The following RSRP1 variants were observed in gnomAD, a reference collection of about 807,000 sequenced individuals.
RSRP1 encodes arginine/serine-rich protein 1.
RSRP1 carries 37 observed loss-of-function variants against 33.0 expected under a neutral mutation model. The ratio of observed to expected loss-of-function variants is 1.12; its 90% CI spans 0.86 to 1.48. The LOEUF (loss-of-function observed/expected upper bound fraction) is 1.48. RSRP1 is among the 40% of genes most tolerant of loss of function. The pLI is 0.00. For missense variants in RSRP1, 402 were observed against 385.3 expected (o/e 1.04, Z -0.36); for synonymous variants, 167 against 158.7 (o/e 1.05, Z -0.40).
At chr1:25,244,507 CAG>C in intron 3 of RSRP1, 1 of 1,289,164 alleles carries the variant, frequency 7.8e-7, no homozygotes, top group Non-Finnish European at 1.0e-6. Flanking sequence ...TTCTATAAGA[CAG>C]AAATAGAGCA....
intron 1 of RSRP1, among the ~76,000 whole-genome samples, chr1:25,318,560 C>T (rs550970131): frequency 7.6e-6 from 1 of 131,404 alleles, no homozygotes; most frequent in South Asian, 2.4e-4. Context: ...TGCCCTCCAG[C>T]CTAGGTGACA....
At chr1:25,289,708 C>T (rs1642327290) in intron 1 of RSRP1, among the ~76,000 whole-genome samples, 1 of 126,754 alleles carries the variant, frequency 7.9e-6, no homozygotes, top group Admixed American at 7.7e-5. Flanking sequence ...GAAGTCCTCC[C>T]TGATAAGTCC....
intron 1 of RSRP1, among the ~76,000 whole-genome samples, chr1:25,307,410 T>C (rs1263292061): frequency 7.6e-6 from 1 of 132,130 alleles, no homozygotes; most frequent in Non-Finnish European, 1.8e-5. Context: ...ACATGGCTTA[T>C]ATAAAATGAA....
At chr1:25,283,233 G>T (rs113500149) in intron 1 of RSRP1, among the ~76,000 whole-genome samples, 2,375 of 131,596 alleles carry the variant, frequency 0.018, 602 homozygotes, top group Non-Finnish European at 0.028. Context: ...TTATCTAGGT[G>T]TAAATCTTGG....
At chr1:25,312,708 C>T (rs917763824) in intron 1 of RSRP1, among the ~76,000 whole-genome samples, 1 of 125,564 alleles carries the variant, frequency 8.0e-6, no homozygotes, top group African/African-American at 2.7e-5. Flanking sequence ...TATGGTCGTG[C>T]CACTGCATTC....
In RSRP1 at chr1:25,303,171, T is replaced by C; in HGVS notation, c.-67+34807A>G. ...ATCATGTCCACTGATGAAGGACACG[T>C]AGCCCCAACACAGGGGAGAAGTGGT... On this transcript the variant is annotated intron_variant, in intron 1 of 1. Coordinates refer to the RSRP1 transcript ENST00000561867. 2.2e-6 allele frequency: 2 copies of C among 893,694 alleles called. 1 individual carries two copies. The highest frequency in any genetic ancestry group is 3.5e-6 in the Non-Finnish European group (2 of 564,142). 55.4% of individuals were successfully genotyped at this position (893,694 alleles called of 1,614,324 possible). A position where few individuals can be genotyped will look rare whatever the true frequency, so the allele number is the denominator to read the frequency against.
At chr1:25,337,165 G>C (rs1287734620) in intron 1 of RSRP1, 1 of 151,770 alleles carries the variant, frequency 6.6e-6, no homozygotes, top group Non-Finnish European at 1.5e-5. Context: ...CTGTGTGATC[G>C]CATGTGCCCT....
upstream of RSRP1, chr1:25,338,177 C>T (rs979047466): frequency 1.3e-5 from 2 of 152,182 alleles, no homozygotes; most frequent in Non-Finnish European, 2.9e-5. Context: ...AACTAGCACT[C>T]CCGACGTCCA....
At chr1:25,310,205 A>G (rs868283802) in intron 1 of RSRP1, among the ~76,000 whole-genome samples, 9 of 132,952 alleles carry the variant, frequency 6.8e-5, no homozygotes, top group African/African-American at 2.3e-4. Flanking sequence ...GTGTCCCCCA[A>G]ATTTCATGTG....
Position 25,318,434 on chromosome 1 carries a change from A to C in RSRP1, c.-67+19544T>G, listed in dbSNP as rs1644523353. 1.5e-5 allele frequency among the ~76,000 whole-genome samples: 2 copies of C among 130,826 alleles called. 1 individual carries two copies. Among genetic ancestry groups the C allele is most frequent in the Non-Finnish European group, 3.6e-5 (2 of 55,132 alleles). The allele number at this position is 130,826 out of a possible 152,430, so 85.8% of individuals were successfully genotyped here. A position where few individuals can be genotyped will look rare whatever the true frequency, so the allele number is the denominator to read the frequency against. ...AAAACCCTGTCTCTACCAGAAATACAAAAATTAGCCAGGCGTGGTGGCGTG... is the reference window on the plus strand; with the variant it reads ...AAAACCCTGTCTCTACCAGAAATACCAAAATTAGCCAGGCGTGGTGGCGTG... On this transcript the variant is annotated intron_variant, in intron 1 of 1. Transcript: ENST00000561867.
chr1:25,251,921 C>T (rs1303097718), upstream of RSRP1, among the ~76,000 whole-genome samples: 2 of 150,004 alleles, frequency 1.3e-5, no homozygotes, highest in East Asian at 1.9e-4. Flanking sequence ...GACAGAGTCT[C>T]GCTCTCTTGC....
chr1:25,243,656 T>G, intron 3 of RSRP1, 23 bp from the exon 4 acceptor site: 1 of 1,612,442 alleles, frequency 6.2e-7, no homozygotes, highest in Non-Finnish European at 8.5e-7. Context: ...AGAAAAAGTG[T>G]AATTTTAAAA....
chr1:25,268,100 G>A (rs1009882831), intron 1 of RSRP1, among the ~76,000 whole-genome samples: 6 of 134,040 alleles, frequency 4.5e-5, no homozygotes, highest in African/African-American at 1.5e-4. Flanking sequence ...CTGTTATTCA[G>A]CCAACAAATA....
intron 3 of RSRP1, chr1:25,244,849 A>G (rs1267402762): frequency 9.8e-7 from 1 of 1,021,958 alleles, no homozygotes; most frequent in African/African-American, 1.7e-5. Context: ...ATGCCTGGCT[A>G]ATTTTTGTAT....
chr1:25,301,794 G>A lies in RSRP1; in HGVS notation c.-67+36184C>T, dbSNP rs1166057316. ...AGCGTGGGTTGGGAGAGGGCATGCC[G>A]GGTGGTGGAGCTGTGCCTGCCTCTA... On this transcript the variant is annotated intron_variant, in intron 1 of 1. Transcript: ENST00000561867. 9.4e-5 allele frequency: 81 copies of A among 861,542 alleles called. 12 individuals are homozygous for A. Among genetic ancestry groups the A allele is most frequent in the African/African-American group, 7.1e-4 (43 of 60,568 alleles). 53.4% of individuals were successfully genotyped at this position (861,542 alleles called of 1,614,324 possible).
rs1209831043 is a variant in RSRP1 at position 25,272,748 on chromosome 1, G to A, written c.-66-25719C>T. On this transcript the variant is annotated intron_variant, in intron 1 of 1. Coordinates refer to the RSRP1 transcript ENST00000561867. Reference sequence around the variant, plus strand: ...AGGAGCAAATAGCAGGGGCAGGGGCGGGGGAGGCCTGTGGTTCTCCAGGGG... The same window carrying A: ...AGGAGCAAATAGCAGGGGCAGGGGCAGGGGAGGCCTGTGGTTCTCCAGGGG... The A allele has an allele frequency of 2.7e-5, 37 of 1,372,210 alleles. 12 individuals carry two copies. The highest frequency in any genetic ancestry group is 8.4e-5 in the African/African-American group (6 of 71,010). The allele number at this position is 1,372,210 out of a possible 1,614,324, so 85.0% of individuals were successfully genotyped here. A position where few individuals can be genotyped will look rare whatever the true frequency, so the allele number is the denominator to read the frequency against.
chr1:25,242,567 C>T lies in RSRP1; in HGVS notation c.*22G>A, dbSNP rs1173682450. The T allele has an allele frequency of 2.1e-6, 3 of 1,453,800 alleles. No homozygotes were observed. Among genetic ancestry groups the T allele is most frequent in the Non-Finnish European group, 2.9e-6 (3 of 1,047,346 alleles). 90.1% of individuals were successfully genotyped at this position (1,453,800 alleles called of 1,614,324 possible). On this transcript the variant is annotated 3_prime_UTR_variant, in exon 5 of 5. Coordinates refer to ENST00000243189, the MANE Select transcript of RSRP1 (RefSeq NM_020317.5). ...CAATAAAGTGCAGTTTTCATGCAAA[C>T]TTAGCCATCAGTTTTCTTCTTTTAG...
Position 25,243,553 on chromosome 1 carries a change from A to G in RSRP1, c.753T>C (p.Ser251=). Residue 251 remains serine, a synonymous_variant, in exon 4 of 5, where the codon TCT becomes TCC. Coordinates refer to ENST00000243189, the MANE Select transcript of RSRP1 (RefSeq NM_020317.5). ...PTQQRSIAFS[S]NNSVAKPIQK... ...TTCAATGCCTGGATATACTTACATT[A>G]GAGCTAAAAGCTATGCTTCTTTGCT... The G allele has an allele frequency of 6.2e-7, 1 of 1,613,692 alleles. No individual in the cohort carries two copies. Among genetic ancestry groups the G allele is most frequent in the Non-Finnish European group, 8.5e-7 (1 of 1,179,778 alleles).
chr1:25,249,463 C>T (rs576784236), upstream of RSRP1, among the ~76,000 whole-genome samples: 3 of 152,226 alleles, frequency 2.0e-5, no homozygotes, highest in East Asian at 3.9e-4. Context: ...CTCAGTCTCC[C>T]GAGCATCTGG....
Sources: allele counts gnomAD v4.1 joint callset (sites outside exome capture counted in the v4.1 genomes callset), GRCh38; gene constraint gnomAD v4.1.1; transcripts MANE v1.5; gene names NCBI Gene and HGNC (gene_info 2026-07-23, HGNC 2026-07-21).